PCDH9: variants seen among roughly 807,000 people sequenced by gnomAD.
The protein encoded by PCDH9 is protocadherin 9, also known as protocadherin-9.
PCDH9 carries 24 observed loss-of-function variants against 70.6 expected under a neutral mutation model. That is an observed-to-expected ratio of 0.34 (90% confidence interval 0.25 to 0.48). The LOEUF is 0.48. Among genes scored for constraint, PCDH9 ranks in the 20% least tolerant of loss-of-function variants. The pLI is 0.99. For synonymous variants in PCDH9, 562 were observed against 558.5 expected, an observed-to-expected ratio of 1.01 and a Z score of -0.09; for missense variants, 1,281 against 1,503.6, an observed-to-expected ratio of 0.85 and a Z score of 2.45.
At chr13:66,446,697 G>C (rs1448613127) in intron 4 of PCDH9, among the ~76,000 whole-genome samples, 2 of 151,964 alleles carry the variant, frequency 1.3e-5, no homozygotes, top group Non-Finnish European at 2.9e-5. Context: ...TTACATGAAA[G>C]AATGTTTATA....
Position 67,227,695 on chromosome 13 carries a change from C to G in PCDH9, c.746G>C (p.Arg249Thr). ...QVTVSDVNDN[R>T]PVFKEGQVEV... Reference sequence around the variant, plus strand: ...CACTTGACCCTCTTTAAACACTGGCCTGTTGTCATTTACATCACTTACTGT... The same window carrying G: ...CACTTGACCCTCTTTAAACACTGGCGTGTTGTCATTTACATCACTTACTGT... The change falls in exon 2 of 5, where the codon AGG becomes ACG. Residue 249 changes from arginine to threonine, a missense_variant. By Grantham distance (71) the Arg-to-Thr change is moderately conservative. This residue lies in a region of PCDH9 where 798 missense variants were observed against 1,003.1 expected (regional missense o/e 0.80). Transcript: ENST00000377865. This position sits in a 1 kb window ranked among gnomAD's most constrained non-coding sequence, Gnocchi z 4.6. 6.2e-7 allele frequency: 1 copy of G among 1,614,080 alleles called. No homozygotes were observed. Among genetic ancestry groups the G allele is most frequent in the Non-Finnish European group, 8.5e-7 (1 of 1,179,940 alleles).
Position 67,226,478 on chromosome 13 carries a change from G to A in PCDH9, c.1963C>T (p.Arg655Cys). ...ATAGTTACTTTTGCAGTAGAGGAACGAGGTGGTTGTCCTCCATCAGTGGCT... is the reference window on the plus strand; with the variant it reads ...ATAGTTACTTTTGCAGTAGAGGAACAAGGTGGTTGTCCTCCATCAGTGGCT... ...VKATDGGQPP[R>C]SSTAKVTINV... The change falls in exon 2 of 5, where the codon CGT becomes TGT. Residue 655 changes from arginine to cysteine, a missense_variant. By Grantham distance (180) the Arg-to-Cys change is radical (BLOSUM62 -3). Around this residue, in one of 4 missense-constraint regions of PCDH9, gnomAD observed 798 missense variants for 1,003.1 expected, o/e 0.80. Coordinates refer to ENST00000377865, the MANE Select transcript of PCDH9 (RefSeq NM_203487.3). The surrounding 1 kb of genome is among the most constrained non-coding windows in gnomAD (Gnocchi z 5.0). 2.5e-6 allele frequency: 4 copies of A among 1,613,966 alleles called. No homozygotes were observed. Among genetic ancestry groups the A allele is most frequent in the Non-Finnish European group, 3.4e-6 (4 of 1,179,846 alleles).
At chr13:66,809,115 T>A (rs944775219) in intron 3 of PCDH9, among the ~76,000 whole-genome samples, 1 of 152,120 alleles carries the variant, frequency 6.6e-6, no homozygotes. Flanking sequence ...GCTCGACTAA[T>A]TTTTTGTATT....
chr13:67,011,044 G>A (rs2084442176), intron 2 of PCDH9, among the ~76,000 whole-genome samples: 2 of 151,950 alleles, frequency 1.3e-5, no homozygotes, highest in Admixed American at 1.3e-4. Flanking sequence ...GAAGACATAT[G>A]TATGACATGG....
intron 3 of PCDH9, among the ~76,000 whole-genome samples, chr13:66,861,470 C>T (rs2081483291): frequency 6.6e-6 from 1 of 152,140 alleles, no homozygotes; most frequent in African/African-American, 2.4e-5. Context: ...ATTTATATAT[C>T]CTCTTTCTGG....
intron 2 of PCDH9, among the ~76,000 whole-genome samples, chr13:67,006,631 A>T (rs995773894): frequency 6.6e-6 from 1 of 152,240 alleles, no homozygotes; most frequent in African/African-American, 2.4e-5. Flanking sequence ...TTAAAAACAC[A>T]GAGATGTTTT....
At chr13:66,529,748 T>C (rs1960367443) in intron 4 of PCDH9, among the ~76,000 whole-genome samples, 1 of 151,886 alleles carries the variant, frequency 6.6e-6, no homozygotes, top group Admixed American at 6.6e-5. Flanking sequence ...AGTATGTATC[T>C]ATGACATAAA....
At chr13:67,119,007 G>A (rs934309198) in intron 2 of PCDH9, among the ~76,000 whole-genome samples, 4 of 152,058 alleles carry the variant, frequency 2.6e-5, no homozygotes, top group African/African-American at 7.2e-5. Flanking sequence ...AGTAGCAGGT[G>A]GTTTATAACG....
At chr13:66,507,314 T>C (rs1959236151) in intron 4 of PCDH9, among the ~76,000 whole-genome samples, 5 of 152,182 alleles carry the variant, frequency 3.3e-5, no homozygotes. Flanking sequence ...TTAAGTGAAA[T>C]ACATTTTTTC....
In PCDH9 at chr13:66,631,140, T is replaced by C. The variant is rs3764116; in HGVS notation, c.3340+70A>G. ...TGTTCATCCTTGCCCCCTACAATTATTTTTGAAAGCTCAAGTGCACTACAA... is the reference window on the plus strand; with the variant it reads ...TGTTCATCCTTGCCCCCTACAATTACTTTTGAAAGCTCAAGTGCACTACAA... On this transcript the variant is annotated intron_variant, in intron 4 of 4. Transcript: ENST00000377865. 6.1e-3 allele frequency: 4,780 copies of C among 779,474 alleles called. 180 individuals are homozygous for C. In the East Asian group the frequency reaches 0.083, roughly 14 times the overall value. The allele number at this position is 779,474 out of a possible 1,614,324, so 48.3% of individuals were successfully genotyped here. A position where few individuals can be genotyped will look rare whatever the true frequency, so the allele number is the denominator to read the frequency against.
At chr13:67,026,966 T>C (rs1170424318) in intron 2 of PCDH9, among the ~76,000 whole-genome samples, 4 of 152,086 alleles carry the variant, frequency 2.6e-5, no homozygotes, top group Non-Finnish European at 5.9e-5. Flanking sequence ...GAAGAATCAA[T>C]ATCGTGAAAA....
At chr13:66,824,089 T>C (rs1423495005) in intron 3 of PCDH9, among the ~76,000 whole-genome samples, 3 of 151,840 alleles carry the variant, frequency 2.0e-5, no homozygotes, top group Admixed American at 6.6e-5. Context: ...TCAAAATTAA[T>C]CATCTCAATA....
At chr13:67,182,710 A>G (rs897408488) in intron 2 of PCDH9, among the ~76,000 whole-genome samples, 11 of 152,124 alleles carry the variant, frequency 7.2e-5, no homozygotes, top group African/African-American at 2.7e-4. Context: ...AGACTTAAGA[A>G]GCCATTGGGT....
intron 2 of PCDH9, among the ~76,000 whole-genome samples, chr13:67,189,968 AAAT>A (rs1413816991): frequency 2.6e-5 from 4 of 152,092 alleles, no homozygotes; most frequent in Non-Finnish European, 5.9e-5. Flanking sequence ...GAGTTATTAA[AAAT>A]AATACAAAAT....
intron 3 of PCDH9, among the ~76,000 whole-genome samples, chr13:66,736,893 C>T (rs941980618): frequency 5.3e-5 from 8 of 152,160 alleles, no homozygotes; most frequent in Admixed American, 2.0e-4. Flanking sequence ...AGAGATCTTT[C>T]CCCCGATTCA....
chr13:66,868,349 GTCA>G (rs138200445), intron 3 of PCDH9, among the ~76,000 whole-genome samples: 4,650 of 151,978 alleles, frequency 0.031, 132 homozygotes, highest in Non-Finnish European at 0.046. Context: ...TCGTTTTCAA[GTCA>G]TCATCAAATT....
chr13:66,360,966 G>A (rs569833535), intron 4 of PCDH9, among the ~76,000 whole-genome samples: 1 of 152,200 alleles, frequency 6.6e-6, no homozygotes, highest in Non-Finnish European at 1.5e-5. Flanking sequence ...AAACCATTGA[G>A]AACAGTGGGT....
Position 66,689,517 on chromosome 13 carries a change from C to T in PCDH9, c.3139-58106G>A, listed in dbSNP as rs1001931553. 2.6e-5 allele frequency among the ~76,000 whole-genome samples: 4 copies of T among 152,012 alleles called. 1 individual carries two copies. The South Asian group carries it at 6.2e-4, about 24-fold the overall frequency. ...TTTTTTCAGGAAAAAAATTAATTTG[C>T]TGTGTACTTATTTAAATAGCTGACT... is the stretch of plus-strand genomic sequence containing the variant. On this transcript the variant is annotated intron_variant, in intron 3 of 4. Transcript: ENST00000377865.
At position 66,889,656 on chromosome 13, in the gene PCDH9, C is replaced by T. The variant is rs375278004; in HGVS notation, c.3138+13848G>A. On this transcript the variant is annotated intron_variant, in intron 3 of 4. Transcript: ENST00000377865. ...TGGTGAAAATGAGAACTTTGCCCTC[C>T]GATTGCTACTACCAGGAGAGTAAAC... 4.8e-3 allele frequency among the ~76,000 whole-genome samples: 729 copies of T among 152,202 alleles called. 6 individuals carry two copies. The highest frequency in any genetic ancestry group is 0.017 in the African/African-American group (692 of 41,528).
Sources: allele counts gnomAD v4.1 joint callset (sites outside exome capture counted in the v4.1 genomes callset), GRCh38; gene constraint gnomAD v4.1.1; regional missense constraint gnomAD v4.1.1; non-coding constraint Gnocchi (gnomAD v3.1); transcripts MANE v1.5; gene names NCBI Gene and HGNC (gene_info 2026-07-23, HGNC 2026-07-21).